The following MPDZ variants were observed in gnomAD, a reference collection of about 807,000 sequenced individuals.
The protein encoded by MPDZ is multiple PDZ domain crumbs cell polarity complex component, also known as multiple PDZ domain protein.
A neutral mutation model predicts 239.1 loss-of-function variants in MPDZ; 234 were observed. That is an observed-to-expected ratio of 0.98 (90% CI 0.88 to 1.09). The LOEUF (loss-of-function observed/expected upper bound fraction) is 1.09, where lower values mean the gene tolerates loss of function less well. Ranked by LOEUF, MPDZ falls within the 50% of genes least tolerant of loss-of-function variation. The probability of loss-of-function intolerance (pLI) is 0.00; values close to 1 mark genes in which losing one functional copy is unlikely to be tolerated. For synonymous variants in MPDZ, 1,048 were observed against 881.3 expected, an observed-to-expected ratio of 1.19 and a Z score of -3.35; for missense variants, 3,175 against 2,510.0, an observed-to-expected ratio of 1.26 and a Z score of -5.66.
chr9:13,155,638 T>C (rs1377650353), intron 24 of MPDZ, among the ~76,000 whole-genome samples: 2 of 152,120 alleles, frequency 1.3e-5, no homozygotes, highest in Non-Finnish European at 2.9e-5. Context: ...ATACAGCCCA[T>C]TTTATAATCT....
At chr9:13,139,860 C>T (rs929232243) in intron 28 of MPDZ, 127 bp downstream of exon 28, 25 of 1,075,746 alleles carry the variant, frequency 2.3e-5, no homozygotes, top group Admixed American at 3.4e-5. Context: ...CTATTTCTTT[C>T]CACACAGAAT....
intron 22 of MPDZ, 99 bp from the exon 23 acceptor site, chr9:13,162,894 T>C (rs1291169302): frequency 8.1e-6 from 6 of 740,452 alleles, no homozygotes; most frequent in Admixed American, 4.9e-5. Context: ...ATATTGTCCC[T>C]TTCTCCCTAC....
intron 1 of MPDZ, among the ~76,000 whole-genome samples, chr9:13,258,072 G>T (rs1476014794): frequency 6.6e-6 from 1 of 152,134 alleles, no homozygotes; most frequent in African/African-American, 2.4e-5. Context: ...CAACTTGTTG[G>T]TAACACTAGT....
intron 5 of MPDZ, among the ~76,000 whole-genome samples, chr9:13,222,713 C>G (rs1959195211): frequency 6.6e-6 from 1 of 152,096 alleles, no homozygotes; most frequent in East Asian, 1.9e-4. Flanking sequence ...TACATTACAT[C>G]TTGGATATTC....
intron 21 of MPDZ, 90 bp downstream of exon 21, chr9:13,175,662 C>A: frequency 7.6e-7 from 1 of 1,320,288 alleles, no homozygotes. Context: ...CTCTTATCTA[C>A]AGCATAAAAA....
chr9:13,182,483 T>G (rs1953482573), intron 19 of MPDZ, among the ~76,000 whole-genome samples: 1 of 152,220 alleles, frequency 6.6e-6, no homozygotes, highest in African/African-American at 2.4e-5. Flanking sequence ...CAACACATTT[T>G]TAGATTTTAC....
At chr9:13,276,828 C>T (rs1347659956) in intron 1 of MPDZ, 2 of 152,132 alleles carry the variant, frequency 1.3e-5, no homozygotes, top group Non-Finnish European at 1.5e-5. Flanking sequence ...AATAATCTAC[C>T]TCTAAGTGAG....
At chr9:13,199,479 G>C (rs1956121645) in intron 12 of MPDZ, among the ~76,000 whole-genome samples, 1 of 151,754 alleles carries the variant, frequency 6.6e-6, no homozygotes, top group South Asian at 2.1e-4. Context: ...TTCCAATCTG[G>C]ATGCCCGTTA....
intron 18 of MPDZ, among the ~76,000 whole-genome samples, 192 bp from the exon 19 acceptor site, chr9:13,183,777 G>C (rs1348694690): frequency 6.6e-6 from 1 of 152,006 alleles, no homozygotes; most frequent in Non-Finnish European, 1.5e-5. Flanking sequence ...ACAGCAGAAA[G>C]TGCTGGCATA....
intron 3 of MPDZ, among the ~76,000 whole-genome samples, chr9:13,231,636 A>T (rs1587983931): frequency 6.6e-6 from 1 of 152,174 alleles, no homozygotes; most frequent in East Asian, 1.9e-4. Context: ...CCGCAAAAAT[A>T]AAACAAGAAC....
chr9:13,128,284 G>A (rs1298025540), intron 32 of MPDZ, among the ~76,000 whole-genome samples: 2 of 152,218 alleles, frequency 1.3e-5, no homozygotes, highest in African/African-American at 2.4e-5. Flanking sequence ...GGTCAAAAAA[G>A]GCAAAGGCAC....
intron 2 of MPDZ, among the ~76,000 whole-genome samples, chr9:13,248,858 A>C (rs1967045688): frequency 6.6e-6 from 1 of 151,294 alleles, no homozygotes; most frequent in Admixed American, 6.6e-5. Context: ...CTGTAATCTC[A>C]GCTACTCAGG....
chr9:13,134,797 A>G (rs1372562090), intron 31 of MPDZ: 1 of 152,038 alleles, frequency 6.6e-6, no homozygotes, highest in East Asian at 1.9e-4. Flanking sequence ...CTTTCTACTC[A>G]TCTTCTCACT....
At chr9:13,260,886 G>A (rs767842747) in intron 1 of MPDZ, among the ~76,000 whole-genome samples, 13 of 152,132 alleles carry the variant, frequency 8.5e-5, no homozygotes, top group Non-Finnish European at 1.8e-4. Context: ...TGTTATGGCA[G>A]CCCAAGCTGA....
chr9:13,123,057 T>C lies in MPDZ; in HGVS notation c.4953+96A>G, dbSNP rs77626360. On this transcript the variant is annotated intron_variant, in intron 36 of 46. Coordinates refer to ENST00000319217, the MANE Select transcript of MPDZ (RefSeq NM_001378778.1). ...AATACAGGTTTTTTCGGCCTTCACATTTCCTTTACTAGAACTGATAGAAAT... is the reference window on the plus strand; with the variant it reads ...AATACAGGTTTTTTCGGCCTTCACACTTCCTTTACTAGAACTGATAGAAAT... 3,227 of 1,292,440 alleles carry C rather than the reference T, an allele frequency of 2.5e-3. 62 individuals carry two copies. In the African/African-American group the frequency reaches 0.041, roughly 17 times the overall value. The allele number at this position is 1,292,440 out of a possible 1,614,324, so 80.1% of individuals were successfully genotyped here.
intron 39 of MPDZ, among the ~76,000 whole-genome samples, chr9:13,117,530 C>CAA (rs373737156): frequency 0.032 from 4,389 of 135,144 alleles, 176 homozygotes; most frequent in African/African-American, 0.099. Flanking sequence ...GACTCCGTCT[C>CAA]AAAAAAAAAA....
At chr9:13,261,014 C>G (rs1439943913) in intron 1 of MPDZ, among the ~76,000 whole-genome samples, 1 of 152,188 alleles carries the variant, frequency 6.6e-6, no homozygotes, top group Non-Finnish European at 1.5e-5. Flanking sequence ...CTCCCTAATT[C>G]AAGGGAAGCC....
intron 1 of MPDZ, 82 bp from the exon 2 acceptor site, chr9:13,250,454 C>A (rs1188363220): frequency 3.2e-5 from 23 of 709,568 alleles, no homozygotes; most frequent in Non-Finnish European, 5.2e-5. Flanking sequence ...ACACTTGATA[C>A]AACTCTAATT....
In MPDZ at chr9:13,224,574, C is replaced by G; in HGVS notation, c.193G>C (p.Ala65Pro). The stretch of plus-strand genomic sequence containing the variant: ...TCAATATTTGAAGTTGCTGAAGTTG[C>G]AATATTTACCTAAGAGTAATGCAGG... Reference protein sequence around the residue: ...VQQLKDQVNIATSATSNIEYA... With the variant: ...VQQLKDQVNIPTSATSNIEYA... The change falls in exon 4 of 47, where the codon GCA becomes CCA. Residue 65 changes from alanine (A) to proline (P), a missense_variant. Ala to Pro is a conservative substitution (Grantham distance 27). Coordinates refer to ENST00000319217, the MANE Select transcript of MPDZ (RefSeq NM_001378778.1). 6.2e-7 allele frequency: 1 copy of G among 1,606,334 alleles called. No individual in the cohort carries two copies. The highest frequency in any genetic ancestry group is 8.5e-7 in the Non-Finnish European group (1 of 1,174,866).
Sources: allele counts gnomAD v4.1 joint callset (sites outside exome capture counted in the v4.1 genomes callset), GRCh38; gene constraint gnomAD v4.1.1; transcripts MANE v1.5; gene names NCBI Gene and HGNC (gene_info 2026-07-23, HGNC 2026-07-21).